ADGRE3: variants seen among roughly 807,000 people sequenced by gnomAD.
The protein encoded by ADGRE3 is EGF-like module receptor 3.
In ADGRE3, 88 loss-of-function variants were observed where a neutral mutation model predicts 80.1. The observed-to-expected ratio is 1.10, with a 90% CI of 0.93 to 1.31. The LOEUF is 1.31. Ranked by LOEUF, ADGRE3 falls within the 40% of genes most tolerant of loss-of-function variation. ADGRE3 has a pLI of 0.00. For missense variants in ADGRE3, 715 were observed against 776.5 expected (o/e 0.92, Z 0.94); for synonymous variants, 281 against 294.8 (o/e 0.95, Z 0.48).
At chr19:14,661,736 G>A (rs1265792060) in intron 4 of ADGRE3, among the ~76,000 whole-genome samples, 2 of 152,060 alleles carry the variant, frequency 1.3e-5, no homozygotes, top group Admixed American at 6.6e-5. Context: ...GATGAGGAGC[G>A]TGGATCAAGA....
At chr19:14,649,407 T>C (rs1971519742) in intron 7 of ADGRE3, among the ~76,000 whole-genome samples, 1 of 150,522 alleles carries the variant, frequency 6.6e-6, no homozygotes. Flanking sequence ...TCTTTCCATC[T>C]CTCTCCCCAT....
chr19:14,651,340 A>T (rs1189336496), intron 6 of ADGRE3, 136 bp from the exon 7 acceptor site: 21 of 937,702 alleles, frequency 2.2e-5, no homozygotes, highest in Non-Finnish European at 3.4e-5. Flanking sequence ...GCTTGGGCCC[A>T]GGAATTTGAG....
At chr19:14,655,715 G>A (rs772493785) in intron 5 of ADGRE3, among the ~76,000 whole-genome samples, 2 of 151,966 alleles carry the variant, frequency 1.3e-5, no homozygotes, top group Non-Finnish European at 2.9e-5. Flanking sequence ...TCCTGCCTTG[G>A]CCTTCCAAAG....
chr19:14,646,120 C>T (rs973014905), intron 8 of ADGRE3, among the ~76,000 whole-genome samples: 4 of 151,872 alleles, frequency 2.6e-5, no homozygotes, highest in African/African-American at 9.7e-5. Flanking sequence ...ACATTCCTTT[C>T]TTCTTCTCTT....
intron 14 of ADGRE3, among the ~76,000 whole-genome samples, chr19:14,627,671 G>A (rs140860614): frequency 6.6e-6 from 1 of 151,662 alleles, no homozygotes; most frequent in African/African-American, 2.4e-5. Flanking sequence ...GAGCCACCAC[G>A]CTTGGCTGGG....
intron 8 of ADGRE3, among the ~76,000 whole-genome samples, chr19:14,646,670 TC>T (rs1971409920): frequency 5.4e-5 from 3 of 55,060 alleles, no homozygotes. Flanking sequence ...CCTCCCTCCC[TC>T]CCTCCCTCCC....
intron 11 of ADGRE3, among the ~76,000 whole-genome samples, chr19:14,636,001 T>C (rs1268695871): frequency 1.1e-4 from 2 of 18,714 alleles, no homozygotes; most frequent in Non-Finnish European, 3.1e-4. Flanking sequence ...TTCTCTCTCT[T>C]TCTCTTTCTT....
chr19:14,604,512 C>G, the ADGRE3 span, among the ~76,000 whole-genome samples: 1 of 152,136 alleles, frequency 6.6e-6, no homozygotes, highest in Admixed American at 6.6e-5. Flanking sequence ...ACTGTAATCC[C>G]AGCACTTTGC....
chr19:14,646,085 A>G (rs761127948), intron 8 of ADGRE3, among the ~76,000 whole-genome samples: 2 of 152,246 alleles, frequency 1.3e-5, no homozygotes, highest in Non-Finnish European at 2.9e-5. Context: ...TATAATCAAC[A>G]TAGATATTAT....
chr19:14,639,897 T>A (rs986133102), intron 10 of ADGRE3, among the ~76,000 whole-genome samples: 1 of 152,220 alleles, frequency 6.6e-6, no homozygotes, highest in Non-Finnish European at 1.5e-5. Context: ...TGTTATTGAC[T>A]ATAGTCATGA....
chr19:14,600,807 T>C, the ADGRE3 span, among the ~76,000 whole-genome samples: 1 of 151,568 alleles, frequency 6.6e-6, no homozygotes, highest in Admixed American at 6.6e-5. Context: ...GGATGGATGG[T>C]CTTGATCTCC....
At chr19:14,641,172 G>A (rs751539383) in intron 10 of ADGRE3, among the ~76,000 whole-genome samples, 10 of 152,006 alleles carry the variant, frequency 6.6e-5, no homozygotes, top group Non-Finnish European at 8.8e-5. Context: ...AGAATGCCTC[G>A]TTACCTGGGT....
At chr19:14,609,970 C>T in the ADGRE3 span, 16 of 923,296 alleles carry the variant, frequency 1.7e-5, no homozygotes, top group African/African-American at 8.2e-5. Context: ...TTGCCAAATG[C>T]GTAGTGCCAG....
intron 13 of ADGRE3, 127 bp from the exon 14 acceptor site, chr19:14,630,334 T>G (rs901602343): frequency 1.7e-6 from 1 of 604,196 alleles, no homozygotes; most frequent in African/African-American, 1.9e-5. Context: ...AAGCCAGCAC[T>G]GGCTACCTGT....
At chr19:14,607,313 T>C in the ADGRE3 span, among the ~76,000 whole-genome samples, 2 of 151,282 alleles carry the variant, frequency 1.3e-5, no homozygotes, top group African/African-American at 4.9e-5. Context: ...CAAGGTATTC[T>C]CTGCCTCAGC....
chr19:14,611,865 G>A, the ADGRE3 span, among the ~76,000 whole-genome samples: 42 of 152,142 alleles, frequency 2.8e-4, no homozygotes, highest in Middle Eastern at 3.4e-3. Flanking sequence ...TTAGCTGGGC[G>A]TGGTGGCATG....
chr19:14,655,146 T>C lies in ADGRE3; in HGVS notation c.413A>G (p.Lys138Arg), dbSNP rs183697632. ...CTGATTGGTGAGAAGTGACTCAAATTTGTCCACAATCTTTTGCAGCTTTGA... is the reference window on the plus strand; with the variant it reads ...CTGATTGGTGAGAAGTGACTCAAATCTGTCCACAATCTTTTGCAGCTTTGA... ...GRKELQKIVD[K>R]FESLLTNQTL... Residue 138 changes from lysine (K) to arginine (R), a missense_variant, in exon 6 of 16, where the codon AAA (lysine) becomes AGA (arginine). Coordinates refer to ENST00000253673, the MANE Select transcript of ADGRE3 (RefSeq NM_032571.5). 2.2e-5 allele frequency: 36 copies of C among 1,609,260 alleles called. No homozygotes were observed. In the East Asian group the frequency reaches 5.6e-4, roughly 25 times the overall value.
At chr19:14,600,337 T>G in the ADGRE3 span, among the ~76,000 whole-genome samples, 1 of 152,340 alleles carries the variant, frequency 6.6e-6, no homozygotes, top group East Asian at 1.9e-4. Context: ...GGTAGTATCA[T>G]GCAGAGGTTA....
intron 7 of ADGRE3, among the ~76,000 whole-genome samples, chr19:14,650,062 A>C (rs1439652571): frequency 7.7e-4 from 67 of 87,442 alleles, no homozygotes; most frequent in Admixed American, 1.4e-3. Flanking sequence ...CTCTCTCCCC[A>C]TCTCTTGCTT....
Sources: allele counts gnomAD v4.1 joint callset (sites outside exome capture counted in the v4.1 genomes callset), GRCh38; gene constraint gnomAD v4.1.1; transcripts MANE v1.5; gene names NCBI Gene and HGNC (gene_info 2026-07-23, HGNC 2026-07-21).